The following CYTH3 variants were observed in gnomAD, a reference collection of about 807,000 sequenced individuals.
CYTH3 encodes the protein cytohesin-3.
A neutral mutation model predicts 55.1 loss-of-function variants in CYTH3; 23 were observed. The ratio of observed to expected loss-of-function variants is 0.42; its 90% CI spans 0.30 to 0.59. The LOEUF (loss-of-function observed/expected upper bound fraction) is 0.59. Ranked by LOEUF, CYTH3 falls within the 20% of genes least tolerant of loss-of-function variation. The pLI, the probability that CYTH3 is intolerant of heterozygous loss-of-function variation, is 0.20. For synonymous variants in CYTH3, 249 were observed against 194.9 expected (o/e 1.28, Z -2.31); for missense variants, 413 against 524.8 (o/e 0.79, Z 2.08).
At position 6,272,514 on chromosome 7, in the gene CYTH3, GCCA is replaced by G; in HGVS notation, c.-10_-8del. ...CGCCGCCGTCTTCATCCATCTTGAG[GCCA>G]CTCCCGCAGCCGGCGAGCCGGGGGC... On this transcript the variant is annotated 5_prime_UTR_variant, in exon 1 of 13. Transcript: ENST00000350796. The G allele has an allele frequency of 2.0e-5, 26 of 1,317,152 alleles. No homozygotes were observed. Among genetic ancestry groups the G allele is most frequent in the Non-Finnish European group, 2.4e-5 (25 of 1,021,048 alleles). The allele number at this position is 1,317,152 out of a possible 1,614,324, so 81.6% of individuals were successfully genotyped here. A position where few individuals can be genotyped will look rare whatever the true frequency, so the allele number is the denominator to read the frequency against.
At chr7:6,248,871 G>A (rs1779891667) in intron 1 of CYTH3, among the ~76,000 whole-genome samples, 1 of 152,166 alleles carries the variant, frequency 6.6e-6, no homozygotes, top group Admixed American at 6.5e-5. Flanking sequence ...CTTCCATGGG[G>A]ATCTGGTGAT....
chr7:6,254,900 T>C (rs752436599), intron 1 of CYTH3, among the ~76,000 whole-genome samples: 14 of 152,216 alleles, frequency 9.2e-5, no homozygotes, highest in Non-Finnish European at 5.9e-5. Flanking sequence ...AACTTTTCTG[T>C]AGATTTGAAC....
At chr7:6,216,791 A>G (rs1035407896) in intron 1 of CYTH3, among the ~76,000 whole-genome samples, 2 of 151,608 alleles carry the variant, frequency 1.3e-5, no homozygotes, top group Admixed American at 6.6e-5. Context: ...ATACACACAC[A>G]TATGTCAAAC....
intron 2 of CYTH3, 103 bp downstream of exon 2, chr7:6,190,346 G>GTTT: frequency 5.4e-5 from 34 of 626,968 alleles, no homozygotes; most frequent in Non-Finnish European, 5.6e-5. Context: ...TTGTTTTTGG[G>GTTT]TTTTTTTTTT....
chr7:6,182,677 T>G (rs549945607), intron 4 of CYTH3, among the ~76,000 whole-genome samples: 1 of 152,296 alleles, frequency 6.6e-6, no homozygotes, highest in Admixed American at 6.5e-5. Context: ...TGGCTTATTT[T>G]TTTAAAAAAA....
rs1422949676 is a variant in CYTH3 at position 6,190,532 on chromosome 7, C to G, written c.35-1G>C. ...TCTTCTAATGAGAGGTCTTCAGGCA[C>G]TGAAAGAAGAAAAAAATAATTAACT... On this transcript the variant is annotated splice_acceptor_variant, in intron 1 of 12. Coordinates refer to ENST00000350796, the MANE Select transcript of CYTH3 (RefSeq NM_004227.4). LOFTEE classifies it high-confidence loss of function. 6.0e-6 allele frequency: 9 copies of G among 1,500,632 alleles called. No individual in the cohort carries two copies. The highest frequency in any genetic ancestry group is 7.9e-6 in the Non-Finnish European group (9 of 1,136,474). 93.0% of individuals were successfully genotyped at this position (1,500,632 alleles called of 1,614,324 possible).
chr7:6,259,804 TATATATATAATATATATATATATA>T (rs1562417933), intron 1 of CYTH3, among the ~76,000 whole-genome samples: 41 of 30,150 alleles, frequency 1.4e-3, no homozygotes, highest in Non-Finnish European at 1.4e-3. Flanking sequence ...TATATATATA[TATATATATAATATATATATATATA>T]TATATTTTTT....
intron 6 of CYTH3, chr7:6,172,895 C>T: frequency 8.1e-7 from 1 of 1,237,974 alleles, no homozygotes; most frequent in African/African-American, 1.6e-5. Flanking sequence ...ACGCTGCCAA[C>T]ATTGCAGTCT....
chr7:6,165,120 T>A, intron 12 of CYTH3, 104 bp from the exon 13 acceptor site: 6 of 1,571,206 alleles, frequency 3.8e-6, no homozygotes, highest in Non-Finnish European at 5.2e-6. Context: ...CAGGCTCAGA[T>A]CTGAACGTCG....
At chr7:6,252,498 A>T (rs979953879) in intron 1 of CYTH3, among the ~76,000 whole-genome samples, 64 of 152,098 alleles carry the variant, frequency 4.2e-4, no homozygotes, top group African/African-American at 1.4e-3. Flanking sequence ...AGACTCCGAG[A>T]CCCTGTTGCT....
intron 1 of CYTH3, among the ~76,000 whole-genome samples, chr7:6,264,801 C>A (rs1392396609): frequency 6.6e-6 from 1 of 152,190 alleles, no homozygotes; most frequent in African/African-American, 2.4e-5. Flanking sequence ...TGTTCTAGAT[C>A]TTGGAGATAT....
Position 6,170,811 on chromosome 7 carries a change from C to A in CYTH3, c.711+19G>T. 6.2e-7 allele frequency: 1 copy of A among 1,602,442 alleles called. No individual in the cohort carries two copies. Among genetic ancestry groups the A allele is most frequent in the Non-Finnish European group, 8.5e-7 (1 of 1,174,342 alleles). On this transcript the variant is annotated intron_variant, in intron 8 of 12. Coordinates refer to ENST00000350796, the MANE Select transcript of CYTH3 (RefSeq NM_004227.4). The surrounding 1 kb of genome is among the most constrained non-coding windows in gnomAD (Gnocchi z 7.8). ...AAGAGATCCTGCAGACGGCAGCGGC[C>A]GCGGGCCGGGGAGCTCACCCTCAGC...
At chr7:6,271,722 G>T (rs1207878421) in intron 1 of CYTH3, among the ~76,000 whole-genome samples, 1 of 152,130 alleles carries the variant, frequency 6.6e-6, no homozygotes, top group Non-Finnish European at 1.5e-5. Flanking sequence ...CCTGGGCCAC[G>T]ACGCGCATCG....
intron 1 of CYTH3, among the ~76,000 whole-genome samples, chr7:6,263,019 C>G (rs1780391865): frequency 6.6e-6 from 1 of 152,194 alleles, no homozygotes; most frequent in African/African-American, 2.4e-5. Context: ...AGCAACACCA[C>G]TACCAAGCCA....
chr7:6,182,287 C>T (rs1433965817), intron 4 of CYTH3, among the ~76,000 whole-genome samples: 1 of 152,146 alleles, frequency 6.6e-6, no homozygotes. Flanking sequence ...TAACCTCAGG[C>T]AATCCACCCA....
intron 1 of CYTH3, among the ~76,000 whole-genome samples, chr7:6,264,204 T>A (rs1425217199): frequency 2.0e-5 from 3 of 148,160 alleles, no homozygotes; most frequent in African/African-American, 7.5e-5. Flanking sequence ...CCAAGATGGC[T>A]CCATTGCACT....
intron 1 of CYTH3, among the ~76,000 whole-genome samples, chr7:6,230,635 G>A (rs935450831): frequency 1.3e-5 from 2 of 152,052 alleles, no homozygotes; most frequent in East Asian, 1.9e-4. Flanking sequence ...TTCATGCCAC[G>A]GATCCAATGC....
Position 6,190,428 on chromosome 7 carries a change from GT to G in CYTH3, c.117+20del, listed in dbSNP as rs377416706. On this transcript the variant is annotated intron_variant, in intron 2 of 12. Transcript: ENST00000350796. ...CAAAAAACAGAGTTTTGGATTTTTG[GT>G]TTTTTTTTTTTTTTTTTACCTCAAT... 0.22 allele frequency: 258,557 copies of G among 1,195,136 alleles called. 14 individuals carry two copies. Among genetic ancestry groups the G allele is most frequent in the Non-Finnish European group, 0.23 (211,221 of 928,124 alleles). 74.0% of individuals were successfully genotyped at this position (1,195,136 alleles called of 1,614,324 possible).
chr7:6,165,652 G>C, intron 10 of CYTH3, 36 bp from the exon 11 acceptor site: 2 of 1,613,016 alleles, frequency 1.2e-6, no homozygotes, highest in Non-Finnish European at 1.7e-6. Context: ...GCTCACTGTG[G>C]GTCACCAGCC....
Sources: allele counts gnomAD v4.1 joint callset (sites outside exome capture counted in the v4.1 genomes callset), GRCh38; gene constraint gnomAD v4.1.1; non-coding constraint Gnocchi (gnomAD v3.1); transcripts MANE v1.5; gene names NCBI Gene and HGNC (gene_info 2026-07-23, HGNC 2026-07-21).